The following CACNA2D1 variants were observed in gnomAD, a reference collection of about 807,000 sequenced individuals.
The protein encoded by CACNA2D1 is calcium voltage-gated channel auxiliary subunit alpha2delta 1, also known as voltage-dependent calcium channel subunit alpha-2/delta-1.
A neutral mutation model predicts 171.5 loss-of-function variants in CACNA2D1; 53 were observed. The observed-to-expected ratio is 0.31, with a 90% CI of 0.25 to 0.39. The LOEUF (loss-of-function observed/expected upper bound fraction) is 0.39. Among genes scored for constraint, CACNA2D1 ranks in the 10% least tolerant of loss-of-function variants. The pLI is 1.00. For missense variants in CACNA2D1, 903 were observed against 1,299.8 expected (o/e 0.69, Z 4.69); for synonymous variants, 442 against 443.1 (o/e 1.00, Z 0.03).
intron 9 of CACNA2D1, among the ~76,000 whole-genome samples, chr7:82,062,194 G>C (rs1006526876): frequency 6.6e-6 from 1 of 152,140 alleles, no homozygotes; most frequent in Non-Finnish European, 1.5e-5. Flanking sequence ...CCAGGAATGA[G>C]CAGCCAATCA....
chr7:82,052,580 GACTA>G (rs1162023506), intron 10 of CACNA2D1, among the ~76,000 whole-genome samples: 6 of 152,132 alleles, frequency 3.9e-5, no homozygotes, highest in South Asian at 4.1e-4. Context: ...AAATAAAGCA[GACTA>G]ACTCATAAGA....
chr7:82,118,089 T>C (rs375976964), intron 5 of CACNA2D1, among the ~76,000 whole-genome samples: 11 of 152,130 alleles, frequency 7.2e-5, no homozygotes, highest in Non-Finnish European at 8.8e-5. Flanking sequence ...CTAAATACAA[T>C]TAAATCCTAA....
chr7:82,340,576 ATTAT>A (rs144028852), intron 2 of CACNA2D1, among the ~76,000 whole-genome samples: 2 of 152,228 alleles, frequency 1.3e-5, no homozygotes, highest in Non-Finnish European at 2.9e-5. Flanking sequence ...TGTGATTAAC[ATTAT>A]TTATTTATTA....
chr7:82,156,445 T>C (rs1024558344), intron 4 of CACNA2D1, among the ~76,000 whole-genome samples: 7 of 152,118 alleles, frequency 4.6e-5, no homozygotes, highest in African/African-American at 1.7e-4. Context: ...GAGAACGTGA[T>C]AAATCAATCT....
At chr7:81,990,656 A>C (rs534513055) in intron 21 of CACNA2D1, among the ~76,000 whole-genome samples, 3 of 152,318 alleles carry the variant, frequency 2.0e-5, no homozygotes, top group Non-Finnish European at 2.9e-5. Context: ...AAGAAAGTGA[A>C]GGAAGTGTTG....
chr7:82,369,157 A>G (rs1822074799), intron 1 of CACNA2D1, among the ~76,000 whole-genome samples: 1 of 152,078 alleles, frequency 6.6e-6, no homozygotes, highest in Admixed American at 6.6e-5. Context: ...TATCAAAAAG[A>G]GTTTTGCATT....
chr7:82,150,034 C>A (rs2129106623), intron 4 of CACNA2D1, among the ~76,000 whole-genome samples: 2 of 151,786 alleles, frequency 1.3e-5, no homozygotes, highest in East Asian at 2.0e-4. Flanking sequence ...GGCAGGGAAC[C>A]AACAGCATCT....
rs58786082 is a variant in CACNA2D1, at chr7:82,055,930, G to GTATATATA, written c.879+4490_879+4497dup. Among the ~76,000 whole-genome samples the GTATATATA allele has an allele frequency of 7.8e-4, 87 of 111,460 alleles. 1 individual carries two copies. Among genetic ancestry groups the GTATATATA allele is most frequent in the African/African-American group, 2.2e-3 (61 of 28,078 alleles). The allele number at this position is 111,460 out of a possible 152,430, so 73.1% of individuals were successfully genotyped here. ...AAGTATAATAAATATGTGTGTGTGT[G>GTATATATA]TATATATATATATATATAATTTTTT... On this transcript the variant is annotated intron_variant, in intron 10 of 38. Coordinates refer to ENST00000356860, the MANE Select transcript of CACNA2D1 (RefSeq NM_000722.4).
At chr7:82,202,730 C>T (rs1248772495) in intron 3 of CACNA2D1, among the ~76,000 whole-genome samples, 2 of 152,070 alleles carry the variant, frequency 1.3e-5, no homozygotes, top group South Asian at 2.1e-4. Context: ...GCTGTGAATG[C>T]AGGCCTGGGT....
At chr7:81,984,840 T>A in intron 21 of CACNA2D1, 129 bp from the exon 22 acceptor site, 1 of 672,604 alleles carries the variant, frequency 1.5e-6, no homozygotes, top group Non-Finnish European at 2.7e-6. Flanking sequence ...CATATTACTT[T>A]GACAAGAAAA....
At chr7:82,040,232 G>A (rs549341373) in intron 10 of CACNA2D1, among the ~76,000 whole-genome samples, 35 of 152,116 alleles carry the variant, frequency 2.3e-4, no homozygotes, top group South Asian at 2.1e-3. Context: ...ATAACAGAGC[G>A]GTATCTTCAA....
At chr7:82,385,358 C>T (rs1473364506) in intron 1 of CACNA2D1, among the ~76,000 whole-genome samples, 3 of 152,190 alleles carry the variant, frequency 2.0e-5, no homozygotes, top group Non-Finnish European at 4.4e-5. Context: ...CCCACATCTC[C>T]ACCTCCATCC....
At chr7:81,987,966 G>C (rs1280023574) in intron 21 of CACNA2D1, among the ~76,000 whole-genome samples, 1 of 152,162 alleles carries the variant, frequency 6.6e-6, no homozygotes, top group Non-Finnish European at 1.5e-5. Flanking sequence ...CTCGAGAAAA[G>C]AACATTCGCC....
At chr7:82,083,032 C>T (rs2129009036) in intron 7 of CACNA2D1, among the ~76,000 whole-genome samples, 1 of 151,122 alleles carries the variant, frequency 6.6e-6, no homozygotes, top group Admixed American at 6.6e-5. Context: ...GCATTCTTTC[C>T]TTCCTCTCCT....
At chr7:82,316,486 C>T (rs952254886) in intron 3 of CACNA2D1, among the ~76,000 whole-genome samples, 4 of 152,066 alleles carry the variant, frequency 2.6e-5, no homozygotes, top group Non-Finnish European at 5.9e-5. Flanking sequence ...GAGAACAATC[C>T]GGTTCCTTAA....
chr7:82,047,794 T>C (rs1804723319), intron 10 of CACNA2D1, among the ~76,000 whole-genome samples: 1 of 151,916 alleles, frequency 6.6e-6, no homozygotes. Context: ...ATGTAAAATA[T>C]CAGGTGAAGA....
rs1276364854 is a variant in CACNA2D1 at position 81,964,292 on chromosome 7, G to C, written c.2642C>G (p.Ala881Gly). The change falls in exon 33 of 39, where the codon GCT becomes GGT. Residue 881 changes from alanine (A) to glycine (G), a missense_variant. This residue lies in a region of CACNA2D1 where 623 missense variants were observed against 925.5 expected (regional missense o/e 0.67). Coordinates refer to ENST00000356860, the MANE Select transcript of CACNA2D1 (RefSeq NM_000722.4). Reference protein sequence around the residue: ...MRHLVNISVYAFNKSYDYQSV... With the variant: ...MRHLVNISVYGFNKSYDYQSV... The stretch of plus-strand genomic sequence containing the variant: ...CTGATAATCATAAGATTTGTTAAAA[G>C]CATAAACTGATATATTAACCAGGTG... The C allele has an allele frequency of 7.4e-6, 12 of 1,611,964 alleles. No homozygotes were observed. Among genetic ancestry groups the C allele is most frequent in the Non-Finnish European group, 7.6e-6 (9 of 1,178,672 alleles).
chr7:82,096,460 T>A (rs965934454), intron 6 of CACNA2D1, among the ~76,000 whole-genome samples: 2 of 151,960 alleles, frequency 1.3e-5, no homozygotes, highest in Admixed American at 6.6e-5. Flanking sequence ...GCCATAGAGA[T>A]TGACTAGGTG....
intron 3 of CACNA2D1, among the ~76,000 whole-genome samples, chr7:82,174,799 T>C (rs970090114): frequency 6.6e-6 from 1 of 152,100 alleles, no homozygotes; most frequent in African/African-American, 2.4e-5. Flanking sequence ...TCCTGGGAGA[T>C]TATTGCTAAT....
Sources: allele counts gnomAD v4.1 joint callset (sites outside exome capture counted in the v4.1 genomes callset), GRCh38; gene constraint gnomAD v4.1.1; regional missense constraint gnomAD v4.1.1; transcripts MANE v1.5; gene names NCBI Gene and HGNC (gene_info 2026-07-23, HGNC 2026-07-21).